Variants in ABCG8 observed in about 807,000 individuals in gnomAD.
ABCG8 encodes ATP binding cassette subfamily G member 8, also known as ATP-binding cassette sub-family G member 8.
In ABCG8, 81 loss-of-function variants were observed where a neutral mutation model predicts 71.3. The observed-to-expected ratio is 1.14, with a 90% CI of 0.95 to 1.37. The LOEUF (loss-of-function observed/expected upper bound fraction) is 1.37, where lower values mean the gene tolerates loss of function less well. Among genes scored for constraint, ABCG8 ranks in the 40% most tolerant of loss-of-function variants. The pLI, the probability that ABCG8 is intolerant of heterozygous loss-of-function variation, is 0.00. For synonymous variants in ABCG8, 451 were observed against 354.7 expected (o/e 1.27, Z -3.05); for missense variants, 1,119 against 866.2 (o/e 1.29, Z -3.66).
chr2:43,842,520 C>T (rs1019215478), intron 1 of ABCG8, among the ~76,000 whole-genome samples: 1 of 152,036 alleles, frequency 6.6e-6, no homozygotes, highest in Non-Finnish European at 1.5e-5. Context: ...AACCTCCCTC[C>T]TGCTTGGGGG....
At chr2:43,860,813 A>T (rs1447315822) in intron 6 of ABCG8, among the ~76,000 whole-genome samples, 4 of 136,700 alleles carry the variant, frequency 2.9e-5, no homozygotes, top group African/African-American at 1.1e-4. Context: ...TAGAACTGTC[A>T]CTATCTGTCT....
rs574659773 is a variant in ABCG8 at position 43,839,116 on chromosome 2, G to T, written c.63G>T (p.Ser21=). ...LPKGATPQDT[S]GLQDRLFSSE... ...AAGGGGCCACTCCCCAGGATACCTC[G>T]GTGAGTGAGCAATGGGAAGTCGGCC... The change falls in exon 1 of 13, where the codon TCG becomes TCT. Residue 21 remains serine, a splice_region_variant and synonymous_variant. Transcript: ENST00000272286. 2.6e-6 allele frequency: 4 copies of T among 1,551,176 alleles called. No individual in the cohort carries two copies. The highest frequency in any genetic ancestry group is 2.4e-5 in the South Asian group (2 of 84,040).
At chr2:43,848,207 G>C (rs1209611444) in intron 3 of ABCG8, 1 of 152,224 alleles carries the variant, frequency 6.6e-6, no homozygotes, top group African/African-American at 2.4e-5. Flanking sequence ...AGTGATTAAT[G>C]AATCTGGCAG....
intron 1 of ABCG8, among the ~76,000 whole-genome samples, chr2:43,839,977 A>G (rs577105710): frequency 8.1e-4 from 124 of 152,290 alleles, no homozygotes; most frequent in Non-Finnish European, 1.5e-3. Flanking sequence ...TTCCTTCCTC[A>G]TTTTACCTGA....
At chr2:43,865,760 T>A (rs954465545) in intron 6 of ABCG8, among the ~76,000 whole-genome samples, 1 of 151,974 alleles carries the variant, frequency 6.6e-6, no homozygotes, top group Non-Finnish European at 1.5e-5. Context: ...TGGATAGAAG[T>A]CTCACTATCA....
rs759152941 is a variant in ABCG8, at chr2:43,877,697, G to C, written c.1884+9G>C. ...CGGTCTCAGGAGATAAAGTAAGCGG[G>C]GAAGGCCTCGGGTTCTAAATTATTG... On this transcript the variant is annotated intron_variant, in intron 12 of 12. Transcript: ENST00000272286. 5.6e-6 allele frequency: 9 copies of C among 1,613,998 alleles called. No homozygotes were observed. In the African/African-American group the frequency reaches 1.1e-4, roughly 19 times the overall value.
Position 43,852,379 on chromosome 2 carries a change from G to C in ABCG8, c.587G>C (p.Arg196Pro). 6.2e-7 allele frequency: 1 copy of C among 1,612,274 alleles called. No homozygotes were observed. The highest frequency in any genetic ancestry group is 8.5e-7 in the Non-Finnish European group (1 of 1,180,022). ...KRVEDVIAELRLRQCADTRVG... is the reference protein window; with the variant it reads ...KRVEDVIAELPLRQCADTRVG... ...GTGGAGGACGTGATCGCGGAGCTGCGGCTTAGGCAGTGCGCTGACACCCGC... is the reference window on the plus strand; with the variant it reads ...GTGGAGGACGTGATCGCGGAGCTGCCGCTTAGGCAGTGCGCTGACACCCGC... The change falls in exon 5 of 13, where the codon CGG becomes CCG. Residue 196 changes from arginine to proline, a missense_variant. Physicochemically the swap from Arg to Pro is moderately radical, Grantham distance 103. Coordinates refer to ENST00000272286, the MANE Select transcript of ABCG8 (RefSeq NM_022437.3).
At position 43,878,355 on chromosome 2, in the gene ABCG8, T is replaced by C. The variant is rs1399187514; in HGVS notation, c.*442T>C. The C allele has an allele frequency of 1.0e-5, 3 of 290,202 alleles. No individual in the cohort carries two copies. The highest frequency in any genetic ancestry group is 6.5e-5 in the African/African-American group (3 of 46,146). 18.0% of individuals were successfully genotyped at this position (290,202 alleles called of 1,614,324 possible). ...CCCCACACTCCGTGGTGAGCCACCATCAATACAGAAAGTGACCTAAGATGT... is the reference window on the plus strand; with the variant it reads ...CCCCACACTCCGTGGTGAGCCACCACCAATACAGAAAGTGACCTAAGATGT... On this transcript the variant is annotated 3_prime_UTR_variant, in exon 13 of 13. Transcript: ENST00000272286.
At chr2:43,857,984 C>T (rs1669171960) in intron 6 of ABCG8, among the ~76,000 whole-genome samples, 1 of 151,390 alleles carries the variant, frequency 6.6e-6, no homozygotes, top group Non-Finnish European at 1.5e-5. Context: ...TTCTCACTAT[C>T]TATCTATAGA....
At position 43,875,128 on chromosome 2, in the gene ABCG8, A is replaced by G. The variant is rs1355038530; in HGVS notation, c.1489-18A>G. The stretch of plus-strand genomic sequence containing the variant: ...GAAGGTGCTGGCTTCATATCCTTGC[A>G]AGGGCTGTTCTTTGCAGATCCTCGG... On this transcript the variant is annotated intron_variant, in intron 10 of 12. Transcript: ENST00000272286. The G allele has an allele frequency of 3.1e-6, 5 of 1,614,072 alleles. No homozygotes were observed. Among genetic ancestry groups the G allele is most frequent in the African/African-American group, 1.3e-5 (1 of 74,940 alleles).
At position 43,865,941 on chromosome 2, in the gene ABCG8, C is replaced by G. The variant is rs118059503; in HGVS notation, c.965-6035C>G. On this transcript the variant is annotated intron_variant, in intron 6 of 12. Transcript: ENST00000272286. ...TCTGACTATCTATCTGGATAGAATT[C>G]TCACCCTCTTAGGCTACAGTAACCA... Among the ~76,000 whole-genome samples, 408 of 146,086 alleles carry G rather than the reference C, an allele frequency of 2.8e-3. 10 individuals are homozygous for G. The highest frequency in any genetic ancestry group is 0.02 in the Admixed American group (290 of 14,778).
At chr2:43,870,604 T>C (rs1669730494) in intron 6 of ABCG8, among the ~76,000 whole-genome samples, 1 of 151,740 alleles carries the variant, frequency 6.6e-6, no homozygotes, top group Admixed American at 6.6e-5. Context: ...TGGATGGAAT[T>C]CTCACTCTCT....
chr2:43,859,305 C>T (rs1258671761), intron 6 of ABCG8, among the ~76,000 whole-genome samples: 1 of 151,544 alleles, frequency 6.6e-6, no homozygotes, highest in African/African-American at 2.4e-5. Context: ...GGATAGAATT[C>T]TCACTATCTG....
chr2:43,845,814 G>T (rs1021552758), intron 2 of ABCG8, among the ~76,000 whole-genome samples: 1 of 151,722 alleles, frequency 6.6e-6, no homozygotes, highest in Non-Finnish European at 1.5e-5. Context: ...TAGAGGCGGG[G>T]TTTTACCATG....
chr2:43,851,926 G>T (rs1572834482), intron 4 of ABCG8, 104 bp downstream of exon 4: 1 of 1,334,496 alleles, frequency 7.5e-7, no homozygotes, highest in East Asian at 2.3e-5. Flanking sequence ...CGCAGGTCGA[G>T]TTTGAACAAC....
At chr2:43,872,892 C>T (rs1273371395) in intron 8 of ABCG8, among the ~76,000 whole-genome samples, 4 of 152,152 alleles carry the variant, frequency 2.6e-5, no homozygotes, top group Non-Finnish European at 4.4e-5. Context: ...AAAGGGAAGT[C>T]GTGGTCATAC....
intron 3 of ABCG8, chr2:43,847,396 C>A (rs1668777142): frequency 6.6e-6 from 1 of 152,144 alleles, no homozygotes; most frequent in Non-Finnish European, 1.5e-5. Flanking sequence ...TCCCTGCAAT[C>A]CTGACCTAAA....
intron 6 of ABCG8, among the ~76,000 whole-genome samples, chr2:43,853,558 G>A (rs1668999197): frequency 6.6e-6 from 1 of 152,184 alleles, no homozygotes; most frequent in Non-Finnish European, 1.5e-5. Context: ...TAGGTCGCCT[G>A]AGCCCCCAGC....
chr2:43,866,602 C>G (rs1267875391), intron 6 of ABCG8, among the ~76,000 whole-genome samples: 1 of 151,942 alleles, frequency 6.6e-6, no homozygotes, highest in African/African-American at 2.4e-5. Flanking sequence ...AAAATGCTCA[C>G]CACCACTGGC....
Sources: gnomAD v4.1 joint callset for allele counts (sites outside exome capture counted in the v4.1 genomes callset) on GRCh38, gnomAD v4.1.1 for gene constraint, MANE v1.5 for transcripts, NCBI Gene and HGNC (gene_info 2026-07-23, HGNC 2026-07-21) for gene names.